ZNRF3: variants seen among roughly 807,000 people sequenced by gnomAD.
ZNRF3 encodes E3 ubiquitin-protein ligase ZNRF3.
In ZNRF3, 23 loss-of-function variants were observed where a neutral mutation model predicts 72.5. That is an observed-to-expected ratio of 0.32 (90% confidence interval 0.23 to 0.45). The LOEUF is 0.45. Ranked by LOEUF, ZNRF3 falls within the 20% of genes least tolerant of loss-of-function variation. ZNRF3 has a pLI of 1.00. For missense variants in ZNRF3, 1,169 were observed against 1,272.1 expected (o/e 0.92, Z 1.23); for synonymous variants, 610 against 545.3 (o/e 1.12, Z -1.65).
intron 1 of ZNRF3, among the ~76,000 whole-genome samples, chr22:28,970,436 C>T (rs2035548987): frequency 6.6e-6 from 1 of 152,178 alleles, no homozygotes; most frequent in African/African-American, 2.4e-5. Flanking sequence ...TGGCACAGTT[C>T]CTTCGGAAAA....
intron 1 of ZNRF3, among the ~76,000 whole-genome samples, chr22:28,901,254 T>C (rs908398820): frequency 1.3e-5 from 2 of 152,358 alleles, no homozygotes; most frequent in Admixed American, 1.3e-4. Context: ...TCATCGGTCA[T>C]AATGTGAATC....
intron 2 of ZNRF3, among the ~76,000 whole-genome samples, chr22:29,032,573 T>C (rs1312335931): frequency 6.6e-6 from 1 of 152,232 alleles, no homozygotes; most frequent in Non-Finnish European, 1.5e-5. Context: ...AAGAATATTA[T>C]GTTCCAAGAA....
At chr22:28,939,559 GA>G (rs138457532) in intron 1 of ZNRF3, among the ~76,000 whole-genome samples, 9,910 of 151,960 alleles carry the variant, frequency 0.065, 822 homozygotes, top group African/African-American at 0.2. Context: ...AGCCCTCCCT[GA>G]AATCCCCTGT....
intron 1 of ZNRF3, among the ~76,000 whole-genome samples, chr22:28,977,465 C>T (rs925453756): frequency 2.0e-5 from 3 of 152,154 alleles, no homozygotes; most frequent in Non-Finnish European, 2.9e-5. Flanking sequence ...AAAATGGGTG[C>T]GTCTGTCCTT....
chr22:28,893,710 C>G (rs1298789898), intron 1 of ZNRF3, among the ~76,000 whole-genome samples: 1 of 152,170 alleles, frequency 6.6e-6, no homozygotes, highest in Non-Finnish European at 1.5e-5. Context: ...GTTGCTCAGG[C>G]TGGTCTTGAA....
At chr22:29,038,771 G>C (rs61334351) in intron 2 of ZNRF3, among the ~76,000 whole-genome samples, 10 of 152,156 alleles carry the variant, frequency 6.6e-5, no homozygotes, top group African/African-American at 2.4e-4. Context: ...CTCCCCTCCT[G>C]TCCAGTCCTG....
chr22:29,012,299 T>C (rs528261649), intron 2 of ZNRF3, among the ~76,000 whole-genome samples: 1 of 152,342 alleles, frequency 6.6e-6, no homozygotes, highest in South Asian at 2.1e-4. Context: ...GTCTTCACTA[T>C]TGGATCTAAA....
At chr22:28,958,481 G>A (rs2035298980) in intron 1 of ZNRF3, among the ~76,000 whole-genome samples, 1 of 152,080 alleles carries the variant, frequency 6.6e-6, no homozygotes, top group African/African-American at 2.4e-5. Context: ...TTTGAACATG[G>A]GTCCAGCTGA....
chr22:28,948,307 G>A (rs988917748), intron 1 of ZNRF3, among the ~76,000 whole-genome samples: 8 of 152,274 alleles, frequency 5.3e-5, no homozygotes, highest in Admixed American at 4.6e-4. Context: ...TGGGACTACA[G>A]GCATGTGCCA....
intron 1 of ZNRF3, among the ~76,000 whole-genome samples, chr22:28,939,475 C>T (rs951212706): frequency 6.6e-6 from 1 of 152,078 alleles, no homozygotes; most frequent in Non-Finnish European, 1.5e-5. Flanking sequence ...CTTTAAAAGT[C>T]CTTGGAAAGT....
rs957847969 is a variant in ZNRF3 at position 28,883,650 on chromosome 22, A to AGCCGCC, written c.-103_-98dup. On this transcript the variant is annotated 5_prime_UTR_variant, in exon 1 of 9. Coordinates refer to ENST00000544604, the MANE Select transcript of ZNRF3 (RefSeq NM_001206998.2). This position sits in a 1 kb window ranked among gnomAD's most constrained non-coding sequence, Gnocchi z 5.5. The stretch of plus-strand genomic sequence containing the variant: ...GCCGAGCTGAGCCTGCGACCCACAA[A>AGCCGCC]GCCGCCGCCGCCGCCGCCGTGATGG... 59 of 954,710 alleles carry AGCCGCC rather than the reference A, an allele frequency of 6.2e-5. No homozygotes were observed. Among genetic ancestry groups the AGCCGCC allele is most frequent in the Middle Eastern group, 5.4e-4 (1 of 1,860 alleles). The allele number at this position is 954,710 out of a possible 1,614,324, so 59.1% of individuals were successfully genotyped here.
In ZNRF3 at chr22:28,927,955, G is replaced by C. The variant is rs565398665; in HGVS notation, c.300+43889G>C. 9.9e-5 allele frequency among the ~76,000 whole-genome samples: 15 copies of C among 152,276 alleles called. No homozygotes were observed. The South Asian group carries it at 2.9e-3, about 29-fold the overall frequency. On this transcript the variant is annotated intron_variant, in intron 1 of 8. Transcript: ENST00000544604. ...AGTGGATCTGCTGACTGTGCCTTTT[G>C]TGCCAGTGTTGTGCCTGTTGTATTT...
intron 1 of ZNRF3, among the ~76,000 whole-genome samples, chr22:28,920,823 CT>C (rs1351802783): frequency 1.3e-5 from 2 of 152,176 alleles, no homozygotes; most frequent in African/African-American, 2.4e-5. Context: ...AGGCTTTGGT[CT>C]TTCCCCAGCC....
intron 1 of ZNRF3, among the ~76,000 whole-genome samples, chr22:28,980,258 T>A (rs1325776386): frequency 6.6e-6 from 1 of 152,106 alleles, no homozygotes; most frequent in Non-Finnish European, 1.5e-5. Flanking sequence ...TATGGGAAAT[T>A]ACTTAATGGG....
At chr22:29,024,819 A>T (rs1393199729) in intron 2 of ZNRF3, among the ~76,000 whole-genome samples, 1 of 152,148 alleles carries the variant, frequency 6.6e-6, no homozygotes, top group Non-Finnish European at 1.5e-5. Context: ...CAAAAATGTC[A>T]GTAAACCATA....
intron 1 of ZNRF3, among the ~76,000 whole-genome samples, chr22:28,967,547 C>G (rs1011455109): frequency 6.6e-5 from 10 of 152,206 alleles, no homozygotes; most frequent in Non-Finnish European, 1.0e-4. Flanking sequence ...GATCATCTGT[C>G]TTCTCTGTTA....
At chr22:28,946,613 G>A (rs2035056481) in intron 1 of ZNRF3, among the ~76,000 whole-genome samples, 1 of 152,148 alleles carries the variant, frequency 6.6e-6, no homozygotes, top group South Asian at 2.1e-4. Flanking sequence ...GTTTGATGGT[G>A]GTTGAAATCA....
intron 1 of ZNRF3, among the ~76,000 whole-genome samples, chr22:28,895,863 AG>A (rs1356921329): frequency 6.6e-6 from 1 of 152,144 alleles, no homozygotes; most frequent in African/African-American, 2.4e-5. Context: ...CTGTTGCTTT[AG>A]GGTTCCTGGT....
chr22:28,998,273 T>C (rs1398104369), intron 2 of ZNRF3, among the ~76,000 whole-genome samples: 1 of 151,814 alleles, frequency 6.6e-6, no homozygotes, highest in East Asian at 1.9e-4. Flanking sequence ...CATTCCAGCC[T>C]GGGCGACAGA....
Sources: gnomAD v4.1 joint callset for allele counts (sites outside exome capture counted in the v4.1 genomes callset) on GRCh38, gnomAD v4.1.1 for gene constraint, Gnocchi (gnomAD v3.1) non-coding constraint, MANE v1.5 for transcripts, NCBI Gene and HGNC (gene_info 2026-07-23, HGNC 2026-07-21) for gene names.